Variants in CTNND2 observed in about 807,000 individuals in gnomAD.
CTNND2 encodes catenin delta 2, also known as catenin delta-2.
CTNND2 carries 22 observed loss-of-function variants against 144.4 expected under a neutral mutation model. That is an observed-to-expected ratio of 0.15 (90% CI 0.11 to 0.22). The LOEUF is 0.22. Among genes scored for constraint, CTNND2 ranks in the 10% least tolerant of loss-of-function variants. CTNND2 has a pLI of 1.00. For missense variants in CTNND2, 1,353 were observed against 1,618.8 expected, an observed-to-expected ratio of 0.84 and a Z score of 2.82; for synonymous variants, 751 against 695.6, an observed-to-expected ratio of 1.08 and a Z score of -1.25.
chr5:10,977,939 GTC>G (rs1243787183), intron 21 of CTNND2, among the ~76,000 whole-genome samples: 1 of 152,186 alleles, frequency 6.6e-6, no homozygotes, highest in Admixed American at 6.5e-5. Context: ...TGGTGCAGGC[GTC>G]TCTTTCTCAG....
At chr5:10,990,358 G>T (rs1429120251) in intron 19 of CTNND2, among the ~76,000 whole-genome samples, 1 of 152,216 alleles carries the variant, frequency 6.6e-6, no homozygotes, top group Non-Finnish European at 1.5e-5. Context: ...GAACAACTGA[G>T]TCCTTAGCAA....
chr5:11,343,845 T>C lies in CTNND2; in HGVS notation c.1628+2527A>G, dbSNP rs544013747. ...ATAAAGAGGCTTACATAGCCTGGTG[T>C]TTGGCAGTAAATAAAATGTTAACAA... On this transcript the variant is annotated intron_variant, in intron 9 of 21. Coordinates refer to ENST00000304623, the MANE Select transcript of CTNND2 (RefSeq NM_001332.4). 2.6e-5 allele frequency among the ~76,000 whole-genome samples: 4 copies of C among 152,306 alleles called. No homozygotes were observed. The South Asian group carries it at 8.3e-4, about 32-fold the overall frequency.
intron 1 of CTNND2, among the ~76,000 whole-genome samples, chr5:11,764,479 T>C (rs1038537654): frequency 6.6e-6 from 1 of 152,176 alleles, no homozygotes; most frequent in African/African-American, 2.4e-5. Context: ...ACAGTTGAAC[T>C]TGATTCTGCT....
At chr5:11,107,692 G>A (rs1752558437) in intron 14 of CTNND2, among the ~76,000 whole-genome samples, 1 of 152,156 alleles carries the variant, frequency 6.6e-6, no homozygotes, top group Non-Finnish European at 1.5e-5. Flanking sequence ...CATTTGTTTT[G>A]GTGGTGATTG....
At chr5:11,883,871 T>C (rs1230409946) in intron 1 of CTNND2, among the ~76,000 whole-genome samples, 2 of 152,250 alleles carry the variant, frequency 1.3e-5, no homozygotes, top group African/African-American at 2.4e-5. Context: ...ATGATCGCCA[T>C]GCTAACTGGC....
intron 9 of CTNND2, among the ~76,000 whole-genome samples, chr5:11,240,793 C>T (rs936225883): frequency 7.4e-6 from 1 of 135,120 alleles, no homozygotes; most frequent in Non-Finnish European, 1.6e-5. Context: ...ACACCCCCAA[C>T]CCCCACACAC....
At chr5:11,147,216 G>A (rs544114727) in intron 12 of CTNND2, among the ~76,000 whole-genome samples, 1 of 152,282 alleles carries the variant, frequency 6.6e-6, no homozygotes, top group African/African-American at 2.4e-5. Flanking sequence ...AAGCACACAG[G>A]CAAGAATATC....
intron 9 of CTNND2, among the ~76,000 whole-genome samples, chr5:11,250,506 T>TAC (rs1561094140): frequency 3.2e-5 from 3 of 92,546 alleles, no homozygotes; most frequent in Non-Finnish European, 5.6e-5. Flanking sequence ...TATATATATA[T>TAC]ATATATACAT....
rs553027566 is a variant in CTNND2, at chr5:11,570,564, A to AT, written c.175-5509dup. 5.9e-4 allele frequency among the ~76,000 whole-genome samples: 89 copies of AT among 152,108 alleles called. 1 individual carries two copies. The East Asian group carries it at 0.017, about 28-fold the overall frequency. On this transcript the variant is annotated intron_variant, in intron 2 of 21. Coordinates refer to ENST00000304623, the MANE Select transcript of CTNND2 (RefSeq NM_001332.4). Reference sequence around the variant, plus strand: ...TTTCCTTCAGGGTTTTGAGACAGTGATTTTTTGCTTCATTATCTTCTACTC... The same window carrying AT: ...TTTCCTTCAGGGTTTTGAGACAGTGATTTTTTTGCTTCATTATCTTCTACTC...
At chr5:11,548,844 G>T (rs574750639) in intron 3 of CTNND2, among the ~76,000 whole-genome samples, 3 of 151,892 alleles carry the variant, frequency 2.0e-5, no homozygotes, top group Non-Finnish European at 4.4e-5. Context: ...TTCTTTATTA[G>T]TTGATTATTT....
intron 2 of CTNND2, among the ~76,000 whole-genome samples, chr5:11,713,761 T>C (rs1786176551): frequency 6.6e-6 from 1 of 152,072 alleles, no homozygotes; most frequent in Non-Finnish European, 1.5e-5. Context: ...CACAGAGCCT[T>C]AATTCTGCAA....
chr5:11,380,049 T>C (rs2158098), intron 7 of CTNND2, among the ~76,000 whole-genome samples: 95,824 of 151,874 alleles, frequency 0.63, 30,771 homozygotes, highest in African/African-American at 0.72. Context: ...TATAGCTTTG[T>C]TCTGGGACCA....
chr5:11,366,046 G>A (rs894179677), intron 7 of CTNND2, among the ~76,000 whole-genome samples: 15 of 152,100 alleles, frequency 9.9e-5, no homozygotes, highest in African/African-American at 2.4e-4. Flanking sequence ...TCTCTATTCC[G>A]GACTAACATA....
chr5:11,397,077 G>T lies in CTNND2; in HGVS notation c.566C>A (p.Pro189Gln). Reference protein sequence around the residue: ...ALGETTPSQLPARGTQARATG... With the variant: ...ALGETTPSQLQARGTQARATG... ...AGCTCGGGCTTGTGTGCCTCGGGCC[G>T]GGAGCTGTGAAGGGGTGGTTTCCCC... The change falls in exon 6 of 22, where the codon CCG (proline) becomes CAG (glutamine). Residue 189 changes from proline to glutamine, a missense_variant. Pro to Gln is a moderately conservative substitution (Grantham distance 76, BLOSUM62 -1). Around this residue, in one of 4 missense-constraint regions of CTNND2, gnomAD observed 708 missense variants for 706.4 expected, o/e 1.00. Coordinates refer to ENST00000304623, the MANE Select transcript of CTNND2 (RefSeq NM_001332.4). 1 of 1,613,976 alleles carries T rather than the reference G, an allele frequency of 6.2e-7. No homozygotes were observed. The highest frequency in any genetic ancestry group is 8.5e-7 in the Non-Finnish European group (1 of 1,179,992).
At chr5:11,242,964 AACT>A (rs1742611117) in intron 9 of CTNND2, among the ~76,000 whole-genome samples, 1 of 152,214 alleles carries the variant, frequency 6.6e-6, no homozygotes, top group Non-Finnish European at 1.5e-5. Context: ...GTGCTTGATC[AACT>A]ACTAAGAGCT....
At chr5:11,480,267 T>C (rs959940567) in intron 3 of CTNND2, among the ~76,000 whole-genome samples, 9 of 151,956 alleles carry the variant, frequency 5.9e-5, no homozygotes, top group African/African-American at 2.2e-4. Context: ...GAACAAGGAG[T>C]CCCTTACCCA....
intron 2 of CTNND2, among the ~76,000 whole-genome samples, chr5:11,728,282 C>A (rs993867565): frequency 6.6e-6 from 1 of 151,310 alleles, no homozygotes; most frequent in Non-Finnish European, 1.5e-5. Flanking sequence ...ACCAGCTCGA[C>A]CAACATGGTG....
At chr5:11,831,584 C>T (rs557917130) in intron 1 of CTNND2, among the ~76,000 whole-genome samples, 5 of 151,198 alleles carry the variant, frequency 3.3e-5, no homozygotes, top group South Asian at 2.1e-4. Flanking sequence ...AGGAGAATGG[C>T]GTGAACCTGG....
chr5:11,903,794 G>A lies in CTNND2; in HGVS notation c.37+23C>T, dbSNP rs1379234818. On this transcript the variant is annotated intron_variant, in intron 1 of 21. Transcript: ENST00000304623. The surrounding 1 kb of genome is among the most constrained non-coding windows in gnomAD (Gnocchi z 5.4). ...CCGGGAGGAGGCTGCGCCCGGCCCC[G>A]GCCGCCCAGCCCCGCAACTCACCCA... The A allele has an allele frequency of 2.7e-6, 4 of 1,475,908 alleles. No individual in the cohort carries two copies. The highest frequency in any genetic ancestry group is 3.6e-6 in the Non-Finnish European group (4 of 1,120,566). The allele number at this position is 1,475,908 out of a possible 1,614,324, so 91.4% of individuals were successfully genotyped here.
Sources: allele counts gnomAD v4.1 joint callset (sites outside exome capture counted in the v4.1 genomes callset), GRCh38; gene constraint gnomAD v4.1.1; regional missense constraint gnomAD v4.1.1; non-coding constraint Gnocchi (gnomAD v3.1); transcripts MANE v1.5; gene names NCBI Gene and HGNC (gene_info 2026-07-23, HGNC 2026-07-21).